Variants in PRKCA observed in about 807,000 individuals in gnomAD.
PRKCA encodes the protein protein kinase C alpha type.
In PRKCA, 27 loss-of-function variants were observed where a neutral mutation model predicts 87.0. The ratio of observed to expected loss-of-function variants is 0.31; its 90% CI spans 0.23 to 0.43. PRKCA has a LOEUF of 0.43. Among genes scored for constraint, PRKCA ranks in the 20% least tolerant of loss-of-function variants. The pLI is 1.00. For synonymous variants in PRKCA, 329 were observed against 311.1 expected, an observed-to-expected ratio of 1.06 and a Z score of -0.61; for missense variants, 518 against 852.3, an observed-to-expected ratio of 0.61 and a Z score of 4.88.
chr17:66,309,794 T>A (rs9910172), intron 2 of PRKCA, among the ~76,000 whole-genome samples: 20,703 of 151,884 alleles, frequency 0.14, 1,501 homozygotes, highest in South Asian at 0.23. Flanking sequence ...CTTGCCCACT[T>A]TTTTTTTCCC....
intron 3 of PRKCA, among the ~76,000 whole-genome samples, chr17:66,503,533 G>A (rs771340825): frequency 7.9e-5 from 12 of 152,166 alleles, no homozygotes; most frequent in African/African-American, 2.2e-4. Context: ...GAAGCTGAGC[G>A]CACTGACTGT....
Position 66,403,257 on chromosome 17 carries a change from A to AAT in PRKCA, c.206-92944_206-92943insAT, listed in dbSNP as rs563017170. ...TTTTAAAAGCTAAGAAGCTCCTATT[A>AAT]GTCTCTGAAATATACCTGGTTTCCA... On this transcript the variant is annotated intron_variant, in intron 2 of 16. Transcript: ENST00000413366. Among the ~76,000 whole-genome samples the AAT allele has an allele frequency of 1.9e-3, 285 of 152,312 alleles. 2 individuals are homozygous for AAT. The highest frequency in any genetic ancestry group is 6.1e-3 in the African/African-American group (253 of 41,560).
intron 5 of PRKCA, among the ~76,000 whole-genome samples, chr17:66,674,941 G>A (rs147051248): frequency 1.2e-3 from 178 of 152,272 alleles, no homozygotes; most frequent in African/African-American, 3.9e-3. Flanking sequence ...CCCACCAATG[G>A]GAAGTCGTGC....
chr17:66,646,217 G>C (rs9913123), intron 5 of PRKCA, among the ~76,000 whole-genome samples: 96,729 of 152,054 alleles, frequency 0.64, 30,966 homozygotes, highest in African/African-American at 0.73. Flanking sequence ...TCCCTATCCA[G>C]GGGCCTGGTT....
At chr17:66,617,246 A>C (rs1970542918) in intron 3 of PRKCA, among the ~76,000 whole-genome samples, 1 of 151,998 alleles carries the variant, frequency 6.6e-6, no homozygotes, top group South Asian at 2.1e-4. Context: ...ATGTCTTTTG[A>C]CCTACCTCGG....
At position 66,641,419 on chromosome 17, in the gene PRKCA, G is replaced by A. The variant is rs1971294285; in HGVS notation, c.353G>A (p.Cys118Tyr). ...TYGSPTFCDH[C>Y]GSLLYGLIHQ... The stretch of plus-strand genomic sequence containing the variant: ...GGAAGCCCCACCTTCTGCGATCACT[G>A]TGGGTCACTGCTCTATGGACTTATC... Residue 118 changes from cysteine to tyrosine, a missense_variant, in exon 4 of 17, where the codon TGT (cysteine) becomes TAT (tyrosine). Cys to Tyr is a radical substitution (Grantham distance 194, BLOSUM62 -2). Coordinates refer to ENST00000413366, the MANE Select transcript of PRKCA (RefSeq NM_002737.3). 1 of 1,612,350 alleles carries A rather than the reference G, an allele frequency of 6.2e-7. No homozygotes were observed. Among genetic ancestry groups the A allele is most frequent in the African/African-American group, 1.3e-5 (1 of 74,906 alleles).
intron 2 of PRKCA, among the ~76,000 whole-genome samples, chr17:66,425,898 G>T (rs1567822857): frequency 6.6e-6 from 1 of 152,202 alleles, no homozygotes; most frequent in East Asian, 1.9e-4. Flanking sequence ...GCCAGGTATG[G>T]TGTCACCACA....
chr17:66,747,856 G>A (rs949346576), intron 13 of PRKCA, among the ~76,000 whole-genome samples: 14 of 152,312 alleles, frequency 9.2e-5, no homozygotes, highest in South Asian at 4.1e-4. Context: ...TCCCCAGCAC[G>A]TGGGCATCGA....
intron 13 of PRKCA, among the ~76,000 whole-genome samples, chr17:66,765,928 A>G (rs989840637): frequency 2.8e-4 from 43 of 152,198 alleles, no homozygotes; most frequent in African/African-American, 1.0e-3. Flanking sequence ...CTATACCTGT[A>G]ACTGAGATCT....
chr17:66,511,069 C>T (rs2535659), intron 3 of PRKCA, among the ~76,000 whole-genome samples: 79,960 of 151,610 alleles, frequency 0.53, 21,750 homozygotes, highest in African/African-American at 0.65. Flanking sequence ...CATTTTTTTT[C>T]GTGTCATAAA....
chr17:66,336,678 A>AAAC (rs1231503544), intron 2 of PRKCA, among the ~76,000 whole-genome samples: 1 of 143,536 alleles, frequency 7.0e-6, no homozygotes, highest in East Asian at 2.0e-4. Context: ...GTAAATTATT[A>AAAC]AACATTTGCT....
chr17:66,776,354 C>T (rs904982478), intron 14 of PRKCA, among the ~76,000 whole-genome samples: 1 of 152,138 alleles, frequency 6.6e-6, no homozygotes. Context: ...CTCTGTTGCC[C>T]AGGCTGGAGT....
chr17:66,400,851 ATGG>A (rs1910982210), intron 2 of PRKCA, among the ~76,000 whole-genome samples: 1 of 152,192 alleles, frequency 6.6e-6, no homozygotes, highest in Admixed American at 6.5e-5. Context: ...GCTTTTCTTC[ATGG>A]TTATAAACGA....
chr17:66,383,825 C>T (rs766851776), intron 2 of PRKCA, among the ~76,000 whole-genome samples: 9 of 151,946 alleles, frequency 5.9e-5, no homozygotes, highest in Non-Finnish European at 7.4e-5. Flanking sequence ...TGGTGATGTA[C>T]GCCTGTAATC....
intron 8 of PRKCA, among the ~76,000 whole-genome samples, chr17:66,730,500 G>A (rs952983820): frequency 1.3e-5 from 2 of 152,222 alleles, no homozygotes; most frequent in Non-Finnish European, 2.9e-5. Flanking sequence ...TTCTGGGAAA[G>A]GGGCAGGGAA....
At chr17:66,681,772 G>C (rs1052592487) in intron 5 of PRKCA, among the ~76,000 whole-genome samples, 2 of 152,174 alleles carry the variant, frequency 1.3e-5, no homozygotes, top group African/African-American at 4.8e-5. Flanking sequence ...CCCACCACCT[G>C]CAGCACCCAT....
intron 16 of PRKCA, among the ~76,000 whole-genome samples, chr17:66,798,647 G>GTGA (rs1975765672): frequency 6.5e-5 from 1 of 15,336 alleles, no homozygotes; most frequent in African/African-American, 1.9e-4. Context: ...GGTGGTGGTG[G>GTGA]TGGTGGTGGT....
In PRKCA at chr17:66,435,482, G is replaced by A. The variant is rs571493240; in HGVS notation, c.206-60719G>A. Reference sequence around the variant, plus strand: ...TTGGCAATCGCGAGACGCACTCACGGAATCACAGATGCCGCCTACAAAAGG... The same window carrying A: ...TTGGCAATCGCGAGACGCACTCACGAAATCACAGATGCCGCCTACAAAAGG... On this transcript the variant is annotated intron_variant, in intron 2 of 16. Transcript: ENST00000413366. Among the ~76,000 whole-genome samples, 34 of 152,296 alleles carry A rather than the reference G, an allele frequency of 2.2e-4. No individual in the cohort carries two copies. The South Asian group carries it at 3.3e-3, about 15-fold the overall frequency.
chr17:66,358,869 T>A (rs910653970), intron 2 of PRKCA, among the ~76,000 whole-genome samples: 10 of 151,842 alleles, frequency 6.6e-5, no homozygotes, highest in African/African-American at 2.4e-4. Context: ...GTTACATACG[T>A]TGTGTCACTT....
Sources: allele counts gnomAD v4.1 joint callset (sites outside exome capture counted in the v4.1 genomes callset), GRCh38; gene constraint gnomAD v4.1.1; transcripts MANE v1.5; gene names NCBI Gene and HGNC (gene_info 2026-07-23, HGNC 2026-07-21).